The following GALNTL6 variants were observed in gnomAD, a reference collection of about 807,000 sequenced individuals.
GALNTL6 encodes polypeptide N-acetylgalactosaminyltransferase-like 6.
In GALNTL6, 46 loss-of-function variants were observed where a neutral mutation model predicts 73.7. The ratio of observed to expected loss-of-function variants is 0.62; its 90% confidence interval spans 0.49 to 0.80. GALNTL6 has a LOEUF of 0.80. GALNTL6 is among the 30% of genes least tolerant of loss of function. The probability of loss-of-function intolerance (pLI) is 0.00; values close to 1 mark genes in which losing one functional copy is unlikely to be tolerated. For synonymous variants in GALNTL6, 259 were observed against 263.7 expected (o/e 0.98, Z 0.17); for missense variants, 604 against 755.0 (o/e 0.80, Z 2.34).
intron 5 of GALNTL6, among the ~76,000 whole-genome samples, chr4:172,352,169 C>G (rs966335329): frequency 6.6e-6 from 1 of 152,094 alleles, no homozygotes. Flanking sequence ...ATAATGCTAA[C>G]TATTACCAAG....
chr4:172,103,355 A>G (rs1480295225), intron 2 of GALNTL6, among the ~76,000 whole-genome samples: 2 of 152,230 alleles, frequency 1.3e-5, no homozygotes, highest in African/African-American at 4.8e-5. Flanking sequence ...TATTTCTGCA[A>G]GATGGATTGC....
chr4:172,909,270 C>A (rs1747071222), intron 8 of GALNTL6, among the ~76,000 whole-genome samples: 2 of 142,872 alleles, frequency 1.4e-5, no homozygotes. Context: ...AAAAGTTACA[C>A]AAGAATTAGA....
At chr4:172,223,300 G>T (rs1342088141) in intron 2 of GALNTL6, among the ~76,000 whole-genome samples, 1 of 152,024 alleles carries the variant, frequency 6.6e-6, no homozygotes, top group African/African-American at 2.4e-5. Context: ...AAAAATTTAT[G>T]TTCTGATACT....
At chr4:172,390,126 T>C (rs1743607923) in intron 5 of GALNTL6, among the ~76,000 whole-genome samples, 1 of 152,184 alleles carries the variant, frequency 6.6e-6, no homozygotes, top group Admixed American at 6.5e-5. Context: ...AAAATAAAGG[T>C]CATTACTTTT....
intron 5 of GALNTL6, among the ~76,000 whole-genome samples, chr4:172,734,224 C>T (rs554779329): frequency 9.2e-5 from 14 of 152,124 alleles, no homozygotes; most frequent in South Asian, 4.1e-4. Context: ...AGGAGGCAGA[C>T]GATAAAAGTT....
intron 5 of GALNTL6, among the ~76,000 whole-genome samples, chr4:172,787,316 G>C (rs1010897039): frequency 6.6e-6 from 1 of 152,164 alleles, no homozygotes; most frequent in Non-Finnish European, 1.5e-5. Context: ...GGTTATTAGA[G>C]TGCCAGTTTC....
At chr4:172,092,977 G>A (rs559921180) in intron 2 of GALNTL6, among the ~76,000 whole-genome samples, 43 of 149,278 alleles carry the variant, frequency 2.9e-4, no homozygotes, top group Middle Eastern at 3.5e-3. Flanking sequence ...AGGTTCAAAC[G>A]ATTCTCCTGC....
intron 2 of GALNTL6, among the ~76,000 whole-genome samples, chr4:172,203,838 C>T (rs1395341112): frequency 6.6e-6 from 1 of 152,138 alleles, no homozygotes; most frequent in African/African-American, 2.4e-5. Flanking sequence ...CCTCTGCCTC[C>T]TGGGTTAAAG....
At chr4:172,756,342 A>G (rs1737748662) in intron 5 of GALNTL6, among the ~76,000 whole-genome samples, 2 of 152,198 alleles carry the variant, frequency 1.3e-5, no homozygotes, top group Non-Finnish European at 2.9e-5. Flanking sequence ...GTCCATTGCA[A>G]GCATAAGAAA....
intron 2 of GALNTL6, among the ~76,000 whole-genome samples, chr4:171,888,032 T>A (rs1478352707): frequency 1.3e-5 from 2 of 152,160 alleles, no homozygotes; most frequent in Admixed American, 6.6e-5. Context: ...ATTCTTTTGC[T>A]TTTTGTTTTG....
chr4:172,517,688 C>T lies in GALNTL6; in HGVS notation c.553+168999C>T, dbSNP rs571970332. ...TTGTGTGGATAAGATCAGAATGAGTCATCTCAGCTCTTCTAGTTGAAATGA... is the reference window on the plus strand; with the variant it reads ...TTGTGTGGATAAGATCAGAATGAGTTATCTCAGCTCTTCTAGTTGAAATGA... On this transcript the variant is annotated intron_variant, in intron 5 of 12. Transcript: ENST00000506823. Among the ~76,000 whole-genome samples, 39 of 152,184 alleles carry T rather than the reference C, an allele frequency of 2.6e-4. 1 individual carries two copies. In the South Asian group the frequency reaches 7.9e-3, roughly 31 times the overall value.
At chr4:172,735,083 G>T (rs1029115651) in intron 5 of GALNTL6, among the ~76,000 whole-genome samples, 2 of 152,200 alleles carry the variant, frequency 1.3e-5, no homozygotes, top group African/African-American at 4.8e-5. Flanking sequence ...CTGTGGCACT[G>T]CCTAGCGGAG....
intron 5 of GALNTL6, among the ~76,000 whole-genome samples, chr4:172,381,787 G>A (rs1351341262): frequency 6.6e-6 from 1 of 152,120 alleles, no homozygotes. Flanking sequence ...CCACTTGAGT[G>A]TATACTTAGG....
intron 5 of GALNTL6, among the ~76,000 whole-genome samples, chr4:172,571,877 A>G (rs1736775875): frequency 6.6e-6 from 1 of 152,116 alleles, no homozygotes; most frequent in African/African-American, 2.4e-5. Flanking sequence ...TTCTCACTCA[A>G]ATGGTTGCAA....
At chr4:172,642,362 G>C (rs1179276872) in intron 5 of GALNTL6, among the ~76,000 whole-genome samples, 2 of 151,728 alleles carry the variant, frequency 1.3e-5, no homozygotes, top group Non-Finnish European at 2.9e-5. Flanking sequence ...TAAATAAAAT[G>C]GTCATTATAT....
At chr4:172,119,639 T>C (rs1216485199) in intron 2 of GALNTL6, among the ~76,000 whole-genome samples, 1 of 152,070 alleles carries the variant, frequency 6.6e-6, no homozygotes, top group Non-Finnish European at 1.5e-5. Context: ...AGTAATGTTT[T>C]AAGTTTTGCA....
chr4:172,934,881 C>T (rs1748526805), intron 9 of GALNTL6, among the ~76,000 whole-genome samples: 1 of 152,204 alleles, frequency 6.6e-6, no homozygotes, highest in South Asian at 2.1e-4. Context: ...AGATTCTTCT[C>T]TTCATTCCAA....
intron 5 of GALNTL6, among the ~76,000 whole-genome samples, chr4:172,467,099 CA>C (rs1732851526): frequency 6.6e-6 from 1 of 152,056 alleles, no homozygotes; most frequent in Non-Finnish European, 1.5e-5. Flanking sequence ...AAACTCAAAG[CA>C]GTACACTAGA....
chr4:172,111,445 C>G (rs1732848764), intron 2 of GALNTL6, among the ~76,000 whole-genome samples: 1 of 151,680 alleles, frequency 6.6e-6, no homozygotes, highest in Non-Finnish European at 1.5e-5. Context: ...TTTTACTAAA[C>G]ATTAAAAAAT....
Sources: allele counts gnomAD v4.1 joint callset (sites outside exome capture counted in the v4.1 genomes callset), GRCh38; gene constraint gnomAD v4.1.1; transcripts MANE v1.5; gene names NCBI Gene and HGNC (gene_info 2026-07-23, HGNC 2026-07-21).